The following GRM1 variants were observed in gnomAD, a reference collection of about 807,000 sequenced individuals.
The protein encoded by GRM1 is metabotropic glutamate receptor 1.
In GRM1, 33 loss-of-function variants were observed where a neutral mutation model predicts 90.9. The ratio of observed to expected loss-of-function variants is 0.36; its 90% CI spans 0.28 to 0.49. GRM1 has a LOEUF of 0.49. Among genes scored for constraint, GRM1 ranks in the 20% least tolerant of loss-of-function variants. GRM1 has a pLI of 0.99. For missense variants in GRM1, 1,190 were observed against 1,534.3 expected (o/e 0.78, Z 3.75); for synonymous variants, 700 against 613.2 (o/e 1.14, Z -2.09).
chr6:146,219,668 G>A (rs1469311731), intron 2 of GRM1, among the ~76,000 whole-genome samples: 2 of 150,924 alleles, frequency 1.3e-5, no homozygotes, highest in Admixed American at 6.6e-5. Context: ...TTTGTAAAAT[G>A]TTTCAATTTT....
chr6:146,218,128 A>G (rs1354336447), intron 2 of GRM1, among the ~76,000 whole-genome samples: 1 of 152,138 alleles, frequency 6.6e-6, no homozygotes, highest in Non-Finnish European at 1.5e-5. Context: ...ATCACTGCTG[A>G]GCCTGATCTC....
chr6:146,159,312 A>G, intron 1 of GRM1, 36 bp from the exon 2 acceptor site: 2 of 1,613,386 alleles, frequency 1.2e-6, no homozygotes, highest in Non-Finnish European at 1.7e-6. Context: ...TTATTGCCAC[A>G]GTTGTCTTGA....
intron 7 of GRM1, among the ~76,000 whole-genome samples, chr6:146,431,009 G>A (rs1435520786): frequency 1.3e-5 from 2 of 152,174 alleles, no homozygotes; most frequent in South Asian, 2.1e-4. Flanking sequence ...ATTATCTATG[G>A]ACCACAGGTA....
intron 2 of GRM1, chr6:146,171,720 T>G: frequency 3.4e-6 from 1 of 293,392 alleles, no homozygotes; most frequent in Non-Finnish European, 7.1e-6. Flanking sequence ...CAGCTGAAGA[T>G]CCATAAAAGC....
At chr6:146,105,370 A>G (rs1187026435) in intron 1 of GRM1, among the ~76,000 whole-genome samples, 1 of 152,222 alleles carries the variant, frequency 6.6e-6, no homozygotes, top group Non-Finnish European at 1.5e-5. Flanking sequence ...ACCCTTAGTT[A>G]AAATCTATAA....
intron 3 of GRM1, among the ~76,000 whole-genome samples, chr6:146,338,437 A>T (rs538138431): frequency 6.6e-6 from 1 of 152,324 alleles, no homozygotes; most frequent in African/African-American, 2.4e-5. Context: ...CTAAAAAGAG[A>T]GTGTTAACTT....
rs367999508 is a variant in GRM1 at position 146,304,822 on chromosome 6, C to G, written c.1162C>G (p.Pro388Ala). The stretch of plus-strand genomic sequence containing the variant: ...CCTTCCAGGACACCTTCTGGAAAAT[C>G]CCAACTTTAAACGAATCTGCACAGG... Reference protein sequence around the residue: ...CRLPGHLLENPNFKRICTGNE... With the variant: ...CRLPGHLLENANFKRICTGNE... Residue 388 changes from proline to alanine, a missense_variant, in exon 3 of 8, where the codon CCC becomes GCC. Pro to Ala is a conservative substitution (Grantham distance 27). This residue lies in a region of GRM1 where 414 missense variants were observed against 598.4 expected (regional missense o/e 0.69). Coordinates refer to ENST00000282753, the MANE Select transcript of GRM1 (RefSeq NM_001278064.2). The G allele has an allele frequency of 6.2e-7, 1 of 1,612,956 alleles. No homozygotes were observed. The highest frequency in any genetic ancestry group is 1.3e-5 in the African/African-American group (1 of 74,856).
At chr6:146,263,292 G>A (rs1373716435) in intron 2 of GRM1, among the ~76,000 whole-genome samples, 1 of 151,880 alleles carries the variant, frequency 6.6e-6, no homozygotes, top group Non-Finnish European at 1.5e-5. Context: ...ATGATGTGAG[G>A]AATAGTTTAT....
chr6:146,293,648 A>AT (rs1783075189), intron 2 of GRM1, among the ~76,000 whole-genome samples: 1 of 151,906 alleles, frequency 6.6e-6, no homozygotes, highest in East Asian at 1.9e-4. Flanking sequence ...GAGAATATTC[A>AT]TTTTTTAAAT....
intron 1 of GRM1, among the ~76,000 whole-genome samples, chr6:146,140,090 A>ATTCTTTCTTTCTTTCTTTCTTTCTTTCT (rs766023029): frequency 2.8e-4 from 16 of 57,874 alleles, no homozygotes; most frequent in East Asian, 1.1e-3. Context: ...TTCTTTCTTT[A>ATTCTTTCTTTCTTTCTTTCTTTCTTTCT]TTCTTTCTTT....
chr6:146,121,851 A>G (rs1776000427), intron 1 of GRM1, among the ~76,000 whole-genome samples: 1 of 152,190 alleles, frequency 6.6e-6, no homozygotes, highest in Non-Finnish European at 1.5e-5. Flanking sequence ...TTTACTTCCA[A>G]CTATGTGGTC....
rs775355442 is a variant in GRM1, at chr6:146,159,355, T to C, written c.708T>C (p.Tyr236=). The change falls in exon 2 of 8, where the codon TAT becomes TAC. Residue 236 remains tyrosine (Y), a synonymous_variant. Coordinates refer to ENST00000282753, the MANE Select transcript of GRM1 (RefSeq NM_001278064.2). ...CTGATTGTTTCTGGACAGGGAATTA[T>C]GGGGAGAGCGGAATGGACGCTTTCA... ...YVSAVHTEGN[Y]GESGMDAFKE... The C allele has an allele frequency of 1.2e-6, 2 of 1,613,950 alleles. No individual in the cohort carries two copies. The highest frequency in any genetic ancestry group is 2.2e-5 in the East Asian group (1 of 44,886).
chr6:146,052,092 T>C (rs1775312380), intron 1 of GRM1, among the ~76,000 whole-genome samples: 1 of 152,058 alleles, frequency 6.6e-6, no homozygotes, highest in Non-Finnish European at 1.5e-5. Flanking sequence ...TTTAAATAAA[T>C]TGACATTACA....
Position 146,434,411 on chromosome 6 carries a change from C to A in GRM1, c.3200C>A (p.Pro1067Gln). ...GPGNGLRSLY[P>Q]PPPPPQHLQM... ...GGGAACGGGCTGCGGTCCCTGTACCCGCCCCCGCCACCTCCGCAGCACCTG... is the reference window on the plus strand; with the variant it reads ...GGGAACGGGCTGCGGTCCCTGTACCAGCCCCCGCCACCTCCGCAGCACCTG... The change falls in exon 8 of 8, where the codon CCG (proline) becomes CAG (glutamine). Residue 1067 changes from proline (P) to glutamine (Q), a missense_variant. Coordinates refer to ENST00000282753, the MANE Select transcript of GRM1 (RefSeq NM_001278064.2). The A allele has an allele frequency of 6.2e-7, 1 of 1,613,278 alleles. No individual in the cohort carries two copies. The highest frequency in any genetic ancestry group is 8.5e-7 in the Non-Finnish European group (1 of 1,179,648).
intron 2 of GRM1, among the ~76,000 whole-genome samples, chr6:146,211,864 G>A (rs1280834918): frequency 6.6e-6 from 1 of 152,152 alleles, no homozygotes; most frequent in African/African-American, 2.4e-5. Flanking sequence ...AACAACACAT[G>A]TATCAGTCAG....
intron 7 of GRM1, among the ~76,000 whole-genome samples, chr6:146,402,782 T>C (rs180961520): frequency 6.6e-6 from 1 of 152,304 alleles, no homozygotes. Flanking sequence ...TGTTGCGTTG[T>C]CTGTTTTTAG....
intron 2 of GRM1, among the ~76,000 whole-genome samples, chr6:146,289,397 T>A (rs886539393): frequency 3.3e-5 from 5 of 152,176 alleles, no homozygotes; most frequent in African/African-American, 7.2e-5. Context: ...ATATAAAAAA[T>A]TTTTATATAG....
At chr6:146,233,177 A>T (rs2114709102) in intron 2 of GRM1, among the ~76,000 whole-genome samples, 1 of 152,100 alleles carries the variant, frequency 6.6e-6, no homozygotes, top group African/African-American at 2.4e-5. Context: ...TTCTCTTGTT[A>T]TATTTTCTTA....
In GRM1 at chr6:146,332,411, A is replaced by G. The variant is rs568885806; in HGVS notation, c.1187-19839A>G. ...TGAGGTCCCCATTTCTTTGCTGCCT[A>G]TTAGCCAGCAGTTGTTCCTAGAGGT... On this transcript the variant is annotated intron_variant, in intron 3 of 7. Transcript: ENST00000282753. Among the ~76,000 whole-genome samples, 13 of 152,198 alleles carry G rather than the reference A, an allele frequency of 8.5e-5. No homozygotes were observed. In the South Asian group the frequency reaches 2.7e-3, roughly 32 times the overall value.
Sources: allele counts gnomAD v4.1 joint callset (sites outside exome capture counted in the v4.1 genomes callset), GRCh38; gene constraint gnomAD v4.1.1; regional missense constraint gnomAD v4.1.1; transcripts MANE v1.5; gene names NCBI Gene and HGNC (gene_info 2026-07-23, HGNC 2026-07-21).